The following PKD2L2 variants were observed in gnomAD, a reference collection of about 807,000 sequenced individuals.
PKD2L2 encodes the protein polycystin 2 like 2, transient receptor potential cation channel, also known as polycystin-2-like protein 2.
A neutral mutation model predicts 83.9 loss-of-function variants in PKD2L2; 67 were observed. The ratio of observed to expected loss-of-function variants is 0.80; its 90% CI spans 0.66 to 0.98. The LOEUF is 0.98. Ranked by LOEUF, PKD2L2 falls within the 50% of genes least tolerant of loss-of-function variation. The pLI is 0.00. For missense variants in PKD2L2, 632 were observed against 717.2 expected (o/e 0.88, Z 1.36); for synonymous variants, 223 against 237.8 (o/e 0.94, Z 0.57).
At chr5:137,921,367 A>AAAG (rs1309868594) in intron 8 of PKD2L2, among the ~76,000 whole-genome samples, 1 of 151,516 alleles carries the variant, frequency 6.6e-6, no homozygotes, top group African/African-American at 2.4e-5. Flanking sequence ...TCAAAGAAAA[A>AAAG]AAAAAAAAAG....
intron 4 of PKD2L2, among the ~76,000 whole-genome samples, chr5:137,897,245 T>C (rs1756562929): frequency 6.6e-6 from 1 of 151,502 alleles, no homozygotes; most frequent in Non-Finnish European, 1.5e-5. Context: ...TCTGCAGAAA[T>C]GGGATATCAC....
chr5:137,892,879 G>A (rs534972207), intron 3 of PKD2L2, among the ~76,000 whole-genome samples: 53 of 152,226 alleles, frequency 3.5e-4, no homozygotes, highest in Non-Finnish European at 5.9e-4. Flanking sequence ...AGGCCAAGGC[G>A]GGTGGATCAC....
intron 8 of PKD2L2, 122 bp from the exon 9 acceptor site, chr5:137,921,510 ATAAT>A: frequency 4.7e-6 from 3 of 635,854 alleles, no homozygotes; most frequent in Admixed American, 3.2e-5. Context: ...CTGTACTAAC[ATAAT>A]TAAAGTCAGA....
intron 14 of PKD2L2, chr5:137,941,865 C>A: frequency 8.5e-7 from 1 of 1,183,412 alleles, no homozygotes; most frequent in African/African-American, 1.5e-5. Flanking sequence ...TCTAATCCCA[C>A]GTATTCCATT....
chr5:137,925,923 C>G lies in PKD2L2; in HGVS notation c.1665C>G (p.Asp555Glu), dbSNP rs146003122. The G allele has an allele frequency of 6.3e-7, 1 of 1,583,186 alleles. No homozygotes were observed. Among genetic ancestry groups the G allele is most frequent in the Admixed American group, 1.7e-5 (1 of 59,530 alleles). ...AACAAGCCAGAAGAGAAGGCTTTGACGAAAATGTAAGATTTTAATTTTTTT... is the reference window on the plus strand; with the variant it reads ...AACAAGCCAGAAGAGAAGGCTTTGAGGAAAATGTAAGATTTTAATTTTTTT... ...LAEQARREGFDENEIQNAEQM... is the reference protein window; with the variant it reads ...LAEQARREGFEENEIQNAEQM... Residue 555 changes from aspartate (D) to glutamate (E), a missense_variant, in exon 12 of 15, where the codon GAC (aspartate) becomes GAG (glutamate). Coordinates refer to ENST00000508883, the MANE Select transcript of PKD2L2 (RefSeq NM_001300921.2).
intron 10 of PKD2L2, 109 bp downstream of exon 10, chr5:137,923,630 C>T (rs1410945647): frequency 2.9e-6 from 2 of 679,252 alleles, no homozygotes; most frequent in East Asian, 2.7e-5. Flanking sequence ...CTCCCCACTC[C>T]CACCCCATCC....
intron 8 of PKD2L2, among the ~76,000 whole-genome samples, chr5:137,918,965 TGTGA>T (rs1277535266): frequency 1.2e-4 from 18 of 148,316 alleles, no homozygotes; most frequent in Admixed American, 3.4e-4. Flanking sequence ...TGTGTGTGTG[TGTGA>T]GTGTGTGTGT....
intron 8 of PKD2L2, 69 bp downstream of exon 8, chr5:137,909,015 C>T (rs1757589289): frequency 3.6e-6 from 3 of 823,648 alleles, no homozygotes; most frequent in Non-Finnish European, 5.8e-6. Flanking sequence ...AAAGGTCTAA[C>T]CTTCTATGAT....
At chr5:137,923,952 C>T (rs1043979642) in intron 10 of PKD2L2, among the ~76,000 whole-genome samples, 4 of 152,210 alleles carry the variant, frequency 2.6e-5, no homozygotes, top group African/African-American at 7.2e-5. Context: ...ACTATCCTCT[C>T]AAGTCACTCC....
chr5:137,899,762 A>G, intron 5 of PKD2L2, 25 bp downstream of exon 5: 4 of 1,398,036 alleles, frequency 2.9e-6, no homozygotes, highest in Non-Finnish European at 4.0e-6. Flanking sequence ...ACTTTTTTTC[A>G]TAGACAGTGG....
chr5:137,924,696 C>CT (rs1759226328), intron 10 of PKD2L2, among the ~76,000 whole-genome samples: 1 of 152,156 alleles, frequency 6.6e-6, no homozygotes, highest in Non-Finnish European at 1.5e-5. Context: ...AATTAGTTTG[C>CT]TTTTTTCCCC....
chr5:137,923,366 T>A, intron 9 of PKD2L2, 54 bp from the exon 10 acceptor site: 1 of 890,542 alleles, frequency 1.1e-6, no homozygotes. Flanking sequence ...GTTAAAGTCA[T>A]TAACATTTAA....
rs1561712480 is a variant in PKD2L2, at chr5:137,936,361, A to G, written c.1826A>G (p.Tyr609Cys). ...GTGGAGCTGGAGAAGGAATTACACT[A>G]CATCAATTTGAAGCTAAATCAAGTG... ...YAVELEKELH[Y>C]INLKLNQVVR... Residue 609 changes from tyrosine to cysteine, a missense_variant, in exon 14 of 15, where the codon TAC becomes TGC. Physicochemically the swap from Tyr to Cys is radical, Grantham distance 194. Around this residue, in one of 3 missense-constraint regions of PKD2L2, gnomAD observed 399 missense variants for 416.9 expected, o/e 0.96. Transcript: ENST00000508883. 6.5e-7 allele frequency: 1 copy of G among 1,532,288 alleles called. No homozygotes were observed. The highest frequency in any genetic ancestry group is 2.0e-5 in the Admixed American group (1 of 51,008). The allele number at this position is 1,532,288 out of a possible 1,614,324, so 94.9% of individuals were successfully genotyped here.
At chr5:137,891,461 G>C (rs1257896235) in intron 2 of PKD2L2, among the ~76,000 whole-genome samples, 1 of 147,360 alleles carries the variant, frequency 6.8e-6, no homozygotes, top group Non-Finnish European at 1.5e-5. Flanking sequence ...CTGAGACCCT[G>C]TCCCAAGGAA....
At chr5:137,890,606 CTGTT>C (rs762695168) in intron 2 of PKD2L2, 24 bp downstream of exon 2, 15 of 998,824 alleles carry the variant, frequency 1.5e-5, no homozygotes, top group East Asian at 1.4e-4. Context: ...TATAAAGATG[CTGTT>C]TGTTTGAACT....
chr5:137,925,985 C>T, intron 12 of PKD2L2, 56 bp downstream of exon 12: 1 of 879,164 alleles, frequency 1.1e-6, no homozygotes, highest in Non-Finnish European at 1.8e-6. Context: ...GAAATATGCT[C>T]ACAAAAACGC....
chr5:137,916,472 CTTCT>C lies in PKD2L2; in HGVS notation c.1329-5161_1329-5158del, dbSNP rs1221728358. Among the ~76,000 whole-genome samples, 3 of 96,464 alleles carry C rather than the reference CTTCT, an allele frequency of 3.1e-5. No individual in the cohort carries two copies. In the East Asian group the frequency reaches 8.0e-4, roughly 26 times the overall value. 63.3% of individuals were successfully genotyped at this position (96,464 alleles called of 152,430 possible). ...TATAAGATTCTTAATTGCCACTTTT[CTTCT>C]TTTTTTTTTTTTTTTTTTTTTGAGA... On this transcript the variant is annotated intron_variant, in intron 8 of 14. Transcript: ENST00000508883.
chr5:137,929,728 G>C (rs1759708734), intron 12 of PKD2L2, among the ~76,000 whole-genome samples: 1 of 151,940 alleles, frequency 6.6e-6, no homozygotes, highest in Non-Finnish European at 1.5e-5. Flanking sequence ...CAAGAACTTA[G>C]GGAATACTAT....
intron 8 of PKD2L2, among the ~76,000 whole-genome samples, chr5:137,915,007 T>A (rs1053764010): frequency 6.6e-6 from 1 of 152,214 alleles, no homozygotes; most frequent in Non-Finnish European, 1.5e-5. Context: ...TTTAATATGC[T>A]GTTCAATTTG....
Sources: gnomAD v4.1 joint callset for allele counts (sites outside exome capture counted in the v4.1 genomes callset) on GRCh38, gnomAD v4.1.1 for gene constraint, gnomAD v4.1.1 regional missense constraint, MANE v1.5 for transcripts, NCBI Gene and HGNC (gene_info 2026-07-23, HGNC 2026-07-21) for gene names.